Variants in LAMB1 observed in about 807,000 individuals in gnomAD.
LAMB1 encodes laminin subunit beta 1.
In LAMB1, 121 loss-of-function variants were observed where a neutral mutation model predicts 222.3. The observed-to-expected ratio is 0.54, with a 90% CI of 0.47 to 0.63. The LOEUF (loss-of-function observed/expected upper bound fraction) is 0.63. Ranked by LOEUF, LAMB1 falls within the 30% of genes least tolerant of loss-of-function variation. The probability of loss-of-function intolerance (pLI) is 0.00; values close to 1 mark genes in which losing one functional copy is unlikely to be tolerated. For synonymous variants in LAMB1, 794 were observed against 807.2 expected (o/e 0.98, Z 0.28); for missense variants, 2,172 against 2,240.8 (o/e 0.97, Z 0.62).
intron 15 of LAMB1, 112 bp downstream of exon 15, chr7:107,962,793 G>A: frequency 2.5e-6 from 2 of 810,354 alleles, no homozygotes; most frequent in Admixed American, 2.4e-5. Flanking sequence ...AATCTGATCT[G>A]TTCTAATGCA....
At chr7:107,976,969 CCCT>C (rs1429085421) in intron 9 of LAMB1, among the ~76,000 whole-genome samples, 15 of 125,856 alleles carry the variant, frequency 1.2e-4, no homozygotes, top group Admixed American at 2.4e-4. Context: ...CCTTTCCTCT[CCCT>C]CCTTCCTTCC....
chr7:107,960,578 G>A lies in LAMB1; in HGVS notation c.2181C>T (p.Thr727=), dbSNP rs2033476979. 1.9e-6 allele frequency: 3 copies of A among 1,614,182 alleles called. No homozygotes were observed. The highest frequency in any genetic ancestry group is 1.7e-6 in the Non-Finnish European group (2 of 1,179,992). ...TVGGSGDGVV[T]NSAWETFQRY... ...TCTGAAAGGTTTCCCAGGCACTGTT[G>A]GTGACCACCCCATCTCCTGAACCTC... The change falls in exon 18 of 34, where the codon ACC becomes ACT. Residue 727 remains threonine, a synonymous_variant. Transcript: ENST00000222399.
In LAMB1 at chr7:107,924,316, G is replaced by C; in HGVS notation, c.5138C>G (p.Ala1713Gly). 1 of 1,612,884 alleles carries C rather than the reference G, an allele frequency of 6.2e-7. No individual in the cohort carries two copies. The highest frequency in any genetic ancestry group is 2.2e-5 in the East Asian group (1 of 44,822). ...CATTTCGGCTTTCCTTCTGGCATCA[G>C]CTGACTCTTCAGTTTTTTTGGCAAT... ...NLIAKKTEES[A>G]DARRKAEMLQ... Residue 1713 changes from alanine to glycine, a missense_variant, in exon 33 of 34, where the codon GCT becomes GGT. Physicochemically the swap from Ala to Gly is moderately conservative, Grantham distance 60. Coordinates refer to ENST00000222399, the MANE Select transcript of LAMB1 (RefSeq NM_002291.3).
At chr7:107,988,771 G>C (rs534372860) in intron 5 of LAMB1, among the ~76,000 whole-genome samples, 1 of 152,302 alleles carries the variant, frequency 6.6e-6, no homozygotes, top group African/African-American at 2.4e-5. Flanking sequence ...TGCACAGAGG[G>C]AAGACCATGT....
intron 15 of LAMB1, among the ~76,000 whole-genome samples, chr7:107,962,410 A>T (rs1209226252): frequency 6.6e-6 from 1 of 151,664 alleles, no homozygotes; most frequent in Admixed American, 6.5e-5. Context: ...GAGAAACTGG[A>T]TTCAAGAAAA....
intron 24 of LAMB1, among the ~76,000 whole-genome samples, chr7:107,947,980 C>CTT (rs1421044411): frequency 2.8e-5 from 3 of 105,612 alleles, no homozygotes; most frequent in African/African-American, 1.1e-4. Flanking sequence ...ATATCTTCTT[C>CTT]TTCTTTTTTT....
Position 107,964,632 on chromosome 7 carries a change from A to AC in LAMB1, c.1617dup (p.Cys540ValfsTer19). ...TAGTAACCAGGTTCCACTTCGTTGCACTGACGTCCAATCATGTGAGGCCGG... is the reference window on the plus strand; with the variant it reads ...TAGTAACCAGGTTCCACTTCGTTGCACCTGACGTCCAATCATGTGAGGCCGG... On this transcript the variant is annotated frameshift_variant, in exon 14 of 34. Coordinates refer to ENST00000222399, the MANE Select transcript of LAMB1 (RefSeq NM_002291.3). LOFTEE classifies it high-confidence loss of function. 6.2e-7 allele frequency: 1 copy of AC among 1,614,150 alleles called. No individual in the cohort carries two copies. Among genetic ancestry groups the AC allele is most frequent in the Non-Finnish European group, 8.5e-7 (1 of 1,180,016 alleles).
At chr7:107,958,230 T>C (rs2033418437) in intron 20 of LAMB1, among the ~76,000 whole-genome samples, 1 of 152,216 alleles carries the variant, frequency 6.6e-6, no homozygotes, top group Non-Finnish European at 1.5e-5. Context: ...CCTTTCACTG[T>C]TGTATAACTG....
chr7:107,932,025 C>G, intron 28 of LAMB1, 149 bp downstream of exon 28: 1 of 774,122 alleles, frequency 1.3e-6, no homozygotes, highest in East Asian at 2.5e-5. Context: ...TTTCTCTGAC[C>G]TCACAGAAAC....
chr7:107,991,905 CAAAAA>C (rs71134302), intron 5 of LAMB1, among the ~76,000 whole-genome samples: 49 of 91,978 alleles, frequency 5.3e-4, no homozygotes, highest in African/African-American at 1.9e-3. Flanking sequence ...GACTTCGTCT[CAAAAA>C]AAAAAAAAAA....
intron 5 of LAMB1, among the ~76,000 whole-genome samples, chr7:107,994,612 C>T (rs1457539550): frequency 6.6e-6 from 1 of 152,172 alleles, no homozygotes; most frequent in African/African-American, 2.4e-5. Flanking sequence ...TCAACACTGC[C>T]TTACTCTATG....
chr7:107,931,676 G>GTAT, intron 28 of LAMB1, 176 bp from the exon 29 acceptor site: 1 of 626,754 alleles, frequency 1.6e-6, no homozygotes. Context: ...CAAGTATTCA[G>GTAT]TATAGAGATT....
intron 22 of LAMB1, among the ~76,000 whole-genome samples, 171 bp downstream of exon 22, chr7:107,953,359 T>A (rs2033300734): frequency 1.4e-5 from 2 of 143,910 alleles, no homozygotes; most frequent in African/African-American, 2.6e-5. Flanking sequence ...TCTGTCTCAT[T>A]AAAAAAAAAA....
In LAMB1 at chr7:107,926,271, T is replaced by C. The variant is rs2032562521; in HGVS notation, c.4976A>G (p.Lys1659Arg). 7 of 1,614,026 alleles carry C rather than the reference T, an allele frequency of 4.3e-6. No homozygotes were observed. The highest frequency in any genetic ancestry group is 1.1e-5 in the South Asian group (1 of 91,084). ...SELERNVEEL[K>R]RKAAQNSGEA... ...CCCGGAGTTTTGGGCAGCTTTCCGC[T>C]TAAGTTCTTCCACATTCCTCTCTAA... Residue 1659 changes from lysine to arginine, a missense_variant, in exon 32 of 34, where the codon AAG becomes AGG. Coordinates refer to ENST00000222399, the MANE Select transcript of LAMB1 (RefSeq NM_002291.3).
intron 5 of LAMB1, among the ~76,000 whole-genome samples, chr7:107,992,776 T>G (rs1225719333): frequency 6.6e-6 from 1 of 152,162 alleles, no homozygotes; most frequent in African/African-American, 2.4e-5. Flanking sequence ...GTGCCTATAG[T>G]TCCAGCTACT....
At chr7:107,988,393 G>T (rs1198037825) in intron 5 of LAMB1, among the ~76,000 whole-genome samples, 1 of 152,060 alleles carries the variant, frequency 6.6e-6, no homozygotes, top group Non-Finnish European at 1.5e-5. Flanking sequence ...ATGAATTTGG[G>T]AGTCACTGCA....
At chr7:107,956,205 A>G (rs1339972653) in intron 20 of LAMB1, among the ~76,000 whole-genome samples, 1 of 151,562 alleles carries the variant, frequency 6.6e-6, no homozygotes, top group Admixed American at 6.6e-5. Flanking sequence ...CCTAATTTTT[A>G]TATTTTTAGT....
At position 108,001,698 on chromosome 7, in the gene LAMB1, C is replaced by T; in HGVS notation, c.73G>A (p.Glu25Lys). ...CRARVRAQEPEFSYGCAEGSC... is the reference protein window; with the variant it reads ...CRARVRAQEPKFSYGCAEGSC... The stretch of plus-strand genomic sequence containing the variant: ...CCTTCTGCGCAGCCGTAGCTGAACT[C>T]GGGTTCCTGAGCGCGCACTCGGGCT... Residue 25 changes from glutamate (E) to lysine (K), a missense_variant, in exon 3 of 34, where the codon GAG becomes AAG. Coordinates refer to ENST00000222399, the MANE Select transcript of LAMB1 (RefSeq NM_002291.3). 4 of 1,612,724 alleles carry T rather than the reference C, an allele frequency of 2.5e-6. No individual in the cohort carries two copies. Among genetic ancestry groups the T allele is most frequent in the Non-Finnish European group, 3.4e-6 (4 of 1,179,800 alleles).
chr7:107,937,393 T>C, intron 25 of LAMB1, 116 bp from the exon 26 acceptor site: 1 of 763,514 alleles, frequency 1.3e-6, no homozygotes, highest in Non-Finnish European at 2.1e-6. Context: ...TTCAGTAATT[T>C]GTAACATTTC....
Sources: allele counts gnomAD v4.1 joint callset (sites outside exome capture counted in the v4.1 genomes callset), GRCh38; gene constraint gnomAD v4.1.1; transcripts MANE v1.5; gene names NCBI Gene and HGNC (gene_info 2026-07-23, HGNC 2026-07-21).